The following PDZRN3 variants were observed in gnomAD, a reference collection of about 807,000 sequenced individuals.
The protein encoded by PDZRN3 is E3 ubiquitin-protein ligase PDZRN3.
A neutral mutation model predicts 85.7 loss-of-function variants in PDZRN3; 38 were observed. The observed-to-expected ratio is 0.44, with a 90% confidence interval of 0.34 to 0.58. PDZRN3 has a LOEUF of 0.58. Among genes scored for constraint, PDZRN3 ranks in the 20% least tolerant of loss-of-function variants. PDZRN3 has a pLI of 0.01. For missense variants in PDZRN3, 1,629 were observed against 1,506.4 expected, an observed-to-expected ratio of 1.08 and a Z score of -1.35; for synonymous variants, 759 against 638.0, an observed-to-expected ratio of 1.19 and a Z score of -2.86.
intron 1 of PDZRN3, among the ~76,000 whole-genome samples, chr3:73,612,457 CTATGCAATAATAA>C (rs1702699172): frequency 6.6e-6 from 1 of 152,154 alleles, no homozygotes; most frequent in African/African-American, 2.4e-5. Context: ...CTTCTTTGGA[CTATGCAATAATAA>C]TTGCAAAGAT....
chr3:73,553,194 A>G (rs1701604314), intron 3 of PDZRN3, among the ~76,000 whole-genome samples: 1 of 152,218 alleles, frequency 6.6e-6, no homozygotes, highest in Non-Finnish European at 1.5e-5. Context: ...AAGGTCATGC[A>G]CCAAGTTCAG....
At chr3:73,391,743 G>A (rs539961773) in intron 5 of PDZRN3, among the ~76,000 whole-genome samples, 15 of 152,306 alleles carry the variant, frequency 9.8e-5, no homozygotes, top group African/African-American at 3.6e-4. Context: ...TTGCCAGTTA[G>A]TCTGTGCTTC....
At chr3:73,461,711 A>T (rs1486804837) in intron 3 of PDZRN3, among the ~76,000 whole-genome samples, 1 of 152,240 alleles carries the variant, frequency 6.6e-6, no homozygotes, top group African/African-American at 2.4e-5. Context: ...CAGCAGATGC[A>T]TCATATCACA....
chr3:73,599,461 T>C (rs1309616291), intron 3 of PDZRN3, among the ~76,000 whole-genome samples: 2 of 151,806 alleles, frequency 1.3e-5, no homozygotes, highest in African/African-American at 4.8e-5. Context: ...GAGTGTAGAG[T>C]TTCAGTCGAG....
intron 3 of PDZRN3, among the ~76,000 whole-genome samples, chr3:73,574,452 T>TGG (rs776864460): frequency 0.039 from 913 of 23,124 alleles, 9 homozygotes; most frequent in Middle Eastern, 0.1. Context: ...TTTTTTTGGC[T>TGG]GGGGTGGGGG....
intron 3 of PDZRN3, among the ~76,000 whole-genome samples, chr3:73,456,807 G>A (rs1477989314): frequency 6.6e-6 from 1 of 152,086 alleles, no homozygotes; most frequent in Non-Finnish European, 1.5e-5. Context: ...CATACCACAG[G>A]CATAAATACT....
At chr3:73,526,315 T>C (rs1278905763) in intron 3 of PDZRN3, among the ~76,000 whole-genome samples, 1 of 152,166 alleles carries the variant, frequency 6.6e-6, no homozygotes, top group East Asian at 1.9e-4. Flanking sequence ...CAAATCAATT[T>C]ACTTGTATAT....
At chr3:73,418,598 T>C (rs553221475) in intron 3 of PDZRN3, among the ~76,000 whole-genome samples, 1 of 152,334 alleles carries the variant, frequency 6.6e-6, no homozygotes, top group South Asian at 2.1e-4. Context: ...TTACAGCCTT[T>C]GTAGCTACAA....
intron 3 of PDZRN3, among the ~76,000 whole-genome samples, chr3:73,425,254 G>C (rs1702288889): frequency 6.6e-6 from 1 of 151,924 alleles, no homozygotes; most frequent in Non-Finnish European, 1.5e-5. Context: ...TCCTGACCTA[G>C]TGATCCACCC....
intron 3 of PDZRN3, among the ~76,000 whole-genome samples, chr3:73,585,185 T>C (rs1702260499): frequency 6.6e-6 from 1 of 152,212 alleles, no homozygotes; most frequent in Non-Finnish European, 1.5e-5. Flanking sequence ...TTTTAAAGTT[T>C]AGGAATTCAA....
intron 3 of PDZRN3, among the ~76,000 whole-genome samples, chr3:73,583,709 A>G (rs1245661587): frequency 2.6e-5 from 4 of 152,126 alleles, no homozygotes; most frequent in East Asian, 1.9e-4. Context: ...ACCTCACACA[A>G]TCTGTCACTG....
At chr3:73,468,494 C>T (rs1046256195) in intron 3 of PDZRN3, among the ~76,000 whole-genome samples, 1 of 150,924 alleles carries the variant, frequency 6.6e-6, no homozygotes, top group Non-Finnish European at 1.5e-5. Flanking sequence ...ATTATAGTGA[C>T]GAGGTACATG....
At chr3:73,618,069 T>C (rs1298868373) in intron 1 of PDZRN3, among the ~76,000 whole-genome samples, 1 of 152,206 alleles carries the variant, frequency 6.6e-6, no homozygotes, top group Non-Finnish European at 1.5e-5. Flanking sequence ...ACTGGACCTA[T>C]GTAAATGGGA....
At chr3:73,414,859 G>A (rs145059558) in intron 3 of PDZRN3, among the ~76,000 whole-genome samples, 2 of 152,174 alleles carry the variant, frequency 1.3e-5, no homozygotes, top group Non-Finnish European at 2.9e-5. Context: ...AAACTAAAGA[G>A]TATGGCATGC....
chr3:73,624,511 G>C lies in PDZRN3; in HGVS notation c.315C>G (p.Cys105Trp). The change falls in exon 1 of 10, where the codon TGC becomes TGG. Residue 105 changes from cysteine to tryptophan, a missense_variant. Transcript: ENST00000263666. ...GGCGACAGCGCGCGGGCGCGAAGTC[G>C]CAGCGCTCGAGGTGCTCCGGCAGCT... ...LQQLPEHLER[C>W]DFAPARCRHA... 1 of 1,442,486 alleles carries C rather than the reference G, an allele frequency of 6.9e-7. No homozygotes were observed. The allele number at this position is 1,442,486 out of a possible 1,614,324, so 89.4% of individuals were successfully genotyped here.
Position 73,602,461 on chromosome 3 carries a change from C to T in PDZRN3, c.811G>A (p.Asp271Asn). ...TCACTGGATGATCCATCGTGGTTAT[C>T]CTTTGGGTTAAAAAAAAAAACATGC... is the stretch of plus-strand genomic sequence containing the variant. ...FNIIGGRPSV[D>N]NHDGSSSEGI... The change falls in exon 3 of 10, where the codon GAT becomes AAT. Residue 271 changes from aspartate to asparagine, a missense_variant and splice_region_variant. Coordinates refer to ENST00000263666, the MANE Select transcript of PDZRN3 (RefSeq NM_015009.3). 1 of 1,430,556 alleles carries T rather than the reference C, an allele frequency of 7.0e-7. No individual in the cohort carries two copies. Among genetic ancestry groups the T allele is most frequent in the Non-Finnish European group, 9.3e-7 (1 of 1,073,196 alleles). 88.6% of individuals were successfully genotyped at this position (1,430,556 alleles called of 1,614,324 possible).
At chr3:73,533,555 T>G (rs1485685084) in intron 3 of PDZRN3, among the ~76,000 whole-genome samples, 1 of 152,186 alleles carries the variant, frequency 6.6e-6, no homozygotes, top group Non-Finnish European at 1.5e-5. Flanking sequence ...TTGTTTTTTT[T>G]TTTAAATTTT....
intron 3 of PDZRN3, among the ~76,000 whole-genome samples, chr3:73,462,379 T>G (rs1201304265): frequency 6.6e-6 from 1 of 151,766 alleles, no homozygotes; most frequent in Non-Finnish European, 1.5e-5. Flanking sequence ...CTGTCTGTAC[T>G]AAAAATACAA....
In PDZRN3 at chr3:73,456,890, T is replaced by C. The variant is rs141895217; in HGVS notation, c.919-52495A>G. ...GAACTTGATTTCTGTGCTACGAATT[T>C]CTTCTGCTGATTTTTGAGAGGATGG... On this transcript the variant is annotated intron_variant, in intron 3 of 9. Coordinates refer to ENST00000263666, the MANE Select transcript of PDZRN3 (RefSeq NM_015009.3). 2.6e-3 allele frequency among the ~76,000 whole-genome samples: 394 copies of C among 152,200 alleles called. 3 individuals carry two copies. The highest frequency in any genetic ancestry group is 8.6e-3 in the African/African-American group (357 of 41,524).
Sources: allele counts gnomAD v4.1 joint callset (sites outside exome capture counted in the v4.1 genomes callset), GRCh38; gene constraint gnomAD v4.1.1; transcripts MANE v1.5; gene names NCBI Gene and HGNC (gene_info 2026-07-23, HGNC 2026-07-21).